The following PAX7 variants were observed in gnomAD, a reference collection of about 807,000 sequenced individuals.
The protein encoded by PAX7 is paired box protein Pax-7.
PAX7 carries 18 observed loss-of-function variants against 50.7 expected under a neutral mutation model. The ratio of observed to expected loss-of-function variants is 0.36; its 90% CI spans 0.25 to 0.53. The LOEUF (loss-of-function observed/expected upper bound fraction) is 0.53, where lower values mean the gene tolerates loss of function less well. Ranked by LOEUF, PAX7 falls within the 20% of genes least tolerant of loss-of-function variation. PAX7 has a pLI of 0.93. For missense variants in PAX7, 644 were observed against 702.9 expected (o/e 0.92, Z 0.95); for synonymous variants, 310 against 290.4 (o/e 1.07, Z -0.69).
chr1:18,686,406 C>T (rs889253440), intron 4 of PAX7, among the ~76,000 whole-genome samples: 2 of 152,160 alleles, frequency 1.3e-5, no homozygotes, highest in South Asian at 2.1e-4. Context: ...TTTGATAGTG[C>T]GAGGGCAGGA....
intron 7 of PAX7, among the ~76,000 whole-genome samples, chr1:18,709,260 T>C (rs551962837): frequency 1.6e-4 from 25 of 152,274 alleles, no homozygotes; most frequent in Non-Finnish European, 3.4e-4. Flanking sequence ...CACGACCTCG[T>C]GGAAGGGGCG....
chr1:18,652,085 A>G (rs2088441283), intron 4 of PAX7, among the ~76,000 whole-genome samples: 1 of 151,808 alleles, frequency 6.6e-6, no homozygotes, highest in African/African-American at 2.4e-5. Flanking sequence ...CAGCAAGAGA[A>G]TCCCGGGCAG....
At chr1:18,668,086 C>T (rs2088695441) in intron 4 of PAX7, among the ~76,000 whole-genome samples, 1 of 152,144 alleles carries the variant, frequency 6.6e-6, no homozygotes, top group Non-Finnish European at 1.5e-5. Context: ...TATGAGGGAG[C>T]TTTCACAAAT....
At chr1:18,688,313 G>GCCC (rs2089006093) in intron 4 of PAX7, among the ~76,000 whole-genome samples, 1 of 152,214 alleles carries the variant, frequency 6.6e-6, no homozygotes, top group Admixed American at 6.5e-5. Flanking sequence ...GAAGTTGTGA[G>GCCC]CGTGGGGCCT....
chr1:18,660,716 C>T (rs1028849455), intron 4 of PAX7, among the ~76,000 whole-genome samples: 1 of 152,108 alleles, frequency 6.6e-6, no homozygotes, highest in Non-Finnish European at 1.5e-5. Context: ...TATAAACAAG[C>T]CTGCCTCCTT....
intron 4 of PAX7, among the ~76,000 whole-genome samples, chr1:18,649,840 A>C (rs1379169828): frequency 1.3e-5 from 2 of 152,252 alleles, no homozygotes; most frequent in Non-Finnish European, 2.9e-5. Context: ...TAGCCTGAGC[A>C]CTAACTGCTG....
intron 8 of PAX7, among the ~76,000 whole-genome samples, chr1:18,741,463 AAAAGAAAG>A (rs71027395): frequency 6.7e-6 from 1 of 149,598 alleles, no homozygotes; most frequent in East Asian, 2.0e-4. Flanking sequence ...AAGAAAAAAA[AAAAGAAAG>A]AAAGAAAGAA....
chr1:18,709,978 T>G (rs1294156764), intron 7 of PAX7, among the ~76,000 whole-genome samples: 2 of 152,224 alleles, frequency 1.3e-5, no homozygotes, highest in East Asian at 3.8e-4. Context: ...CTTTATTTAT[T>G]TGTGAATGGG....
intron 7 of PAX7, among the ~76,000 whole-genome samples, chr1:18,734,436 CTG>C (rs983005074): frequency 8.5e-5 from 13 of 152,134 alleles, no homozygotes; most frequent in African/African-American, 2.9e-4. Context: ...CACTGGGACA[CTG>C]TGCCCTCTCT....
At chr1:18,657,132 C>A (rs1390296355) in intron 4 of PAX7, among the ~76,000 whole-genome samples, 1 of 152,138 alleles carries the variant, frequency 6.6e-6, no homozygotes, top group Non-Finnish European at 1.5e-5. Context: ...CAACCCACGA[C>A]CCCACCTTAC....
rs745898826 is a variant in PAX7 at position 18,746,296 on chromosome 1, C to G, written c.*1367C>G. 1.7e-5 allele frequency: 4 copies of G among 229,944 alleles called. No individual in the cohort carries two copies. The highest frequency in any genetic ancestry group is 6.2e-5 in the East Asian group (1 of 16,214). The allele number at this position is 229,944 out of a possible 1,614,324, so 14.2% of individuals were successfully genotyped here. A position where few individuals can be genotyped will look rare whatever the true frequency, so the allele number is the denominator to read the frequency against. On this transcript the variant is annotated 3_prime_UTR_variant, in exon 9 of 9. Transcript: ENST00000420770. ...GAGGCAGATGTGACCAGTTTTCAAG[C>G]TACCAGCCCTGGGCAGAGGAAGATG...
intron 4 of PAX7, among the ~76,000 whole-genome samples, chr1:18,688,347 C>A (rs2089006714): frequency 6.6e-6 from 1 of 152,178 alleles, no homozygotes; most frequent in African/African-American, 2.4e-5. Flanking sequence ...TAAGAAGAGA[C>A]AACAACTGTG....
chr1:18,670,224 G>A (rs986069593), intron 4 of PAX7, among the ~76,000 whole-genome samples: 3 of 152,106 alleles, frequency 2.0e-5, no homozygotes, highest in African/African-American at 7.2e-5. Flanking sequence ...GTAGAGCCAT[G>A]GCAAGGCTAA....
intron 4 of PAX7, among the ~76,000 whole-genome samples, chr1:18,648,488 C>G (rs550403872): frequency 6.6e-6 from 1 of 151,948 alleles, no homozygotes; most frequent in Non-Finnish European, 1.5e-5. Flanking sequence ...ACTACAGGCA[C>G]GCACCACCAC....
chr1:18,716,033 C>T (rs1353261399), intron 7 of PAX7, among the ~76,000 whole-genome samples: 1 of 152,106 alleles, frequency 6.6e-6, no homozygotes, highest in East Asian at 1.9e-4. Context: ...CCCACCTCAG[C>T]CCCAGGGCTC....
intron 6 of PAX7, 120 bp from the exon 7 acceptor site, chr1:18,702,974 C>T: frequency 1.1e-6 from 1 of 901,610 alleles, no homozygotes; most frequent in Non-Finnish European, 1.7e-6. Context: ...AGAGGGTGGT[C>T]CCTTCCCTCC....
chr1:18,647,461 C>T (rs899875567), intron 4 of PAX7, among the ~76,000 whole-genome samples: 1 of 113,274 alleles, frequency 8.8e-6, no homozygotes, highest in Admixed American at 1.3e-4. Context: ...ATAGTGGATG[C>T]TGTAGAGGAG....
chr1:18,700,998 A>G lies in PAX7; in HGVS notation c.952+180A>G, dbSNP rs1423690154. On this transcript the variant is annotated intron_variant, in intron 6 of 8. Transcript: ENST00000420770. The surrounding 1 kb of genome is among the most constrained non-coding windows in gnomAD (Gnocchi z 4.8). ...TTCTTGGCCCTGACACAGAGCAGCCAGGTGGGATCCCCAAGGCAGCCCCTG... is the reference window on the plus strand; with the variant it reads ...TTCTTGGCCCTGACACAGAGCAGCCGGGTGGGATCCCCAAGGCAGCCCCTG... 6.6e-6 allele frequency among the ~76,000 whole-genome samples: 1 copy of G among 152,194 alleles called. No individual in the cohort carries two copies. The highest frequency in any genetic ancestry group is 1.5e-5 in the Non-Finnish European group (1 of 68,038).
At chr1:18,666,055 T>C (rs918072346) in intron 4 of PAX7, among the ~76,000 whole-genome samples, 1 of 152,144 alleles carries the variant, frequency 6.6e-6, no homozygotes, top group Non-Finnish European at 1.5e-5. Context: ...CAGCCTGTAA[T>C]CCTAGCACCT....
Sources: allele counts gnomAD v4.1 joint callset (sites outside exome capture counted in the v4.1 genomes callset), GRCh38; gene constraint gnomAD v4.1.1; non-coding constraint Gnocchi (gnomAD v3.1); transcripts MANE v1.5; gene names NCBI Gene and HGNC (gene_info 2026-07-23, HGNC 2026-07-21).